ZNF530: variants seen among roughly 807,000 people sequenced by gnomAD.
ZNF530 encodes zinc finger protein 530.
A neutral mutation model predicts 2.8 loss-of-function variants in ZNF530; 5 were observed. That is an observed-to-expected ratio of 1.80 (90% CI 0.94 to 3.78). The LOEUF (loss-of-function observed/expected upper bound fraction) is 3.78. ZNF530 is among the 30% of genes most tolerant of loss of function. ZNF530 has a pLI of 0.00. For synonymous variants in ZNF530, 229 were observed against 235.0 expected (o/e 0.97, Z 0.23); for missense variants, 619 against 673.3 (o/e 0.92, Z 0.89).
downstream of ZNF530, chr19:57,612,651 A>C (rs1980918898): frequency 5.0e-6 from 2 of 396,866 alleles, no homozygotes; most frequent in East Asian, 3.6e-5. Context: ...ACTACACTCC[A>C]GCCTGTGCAA....
intron 3 of ZNF530, 36 bp downstream of exon 3, chr19:57,604,442 G>C: frequency 6.3e-7 from 1 of 1,599,100 alleles, no homozygotes; most frequent in South Asian, 1.1e-5. Flanking sequence ...TTCCTTTGTG[G>C]GTCTCTCCTT....
downstream of ZNF530, among the ~76,000 whole-genome samples, chr19:57,610,766 C>G (rs1355827864): frequency 1.3e-5 from 2 of 152,142 alleles, no homozygotes; most frequent in African/African-American, 4.8e-5. Flanking sequence ...AAAACCTTGC[C>G]TGAATCAGTA....
intron 2 of ZNF530, among the ~76,000 whole-genome samples, chr19:57,603,782 T>C (rs1980362723): frequency 6.6e-6 from 1 of 152,192 alleles, no homozygotes; most frequent in Non-Finnish European, 1.5e-5. Context: ...CTGGAACTTG[T>C]TTGAATTTGC....
chr19:57,611,781 TTTTG>T (rs1010077845), downstream of ZNF530, among the ~76,000 whole-genome samples: 1 of 151,934 alleles, frequency 6.6e-6, no homozygotes, highest in Non-Finnish European at 1.5e-5. Flanking sequence ...CCCTCTCTTG[TTTTG>T]TTTATTATCT....
At chr19:57,602,338 C>T (rs1193725458) in intron 2 of ZNF530, among the ~76,000 whole-genome samples, 2 of 152,154 alleles carry the variant, frequency 1.3e-5, no homozygotes, top group African/African-American at 4.8e-5. Context: ...ATCTAATTAC[C>T]ACCCAAAGAT....
chr19:57,612,579 G>T, downstream of ZNF530: 1 of 398,920 alleles, frequency 2.5e-6, no homozygotes, highest in Non-Finnish European at 4.4e-6. Flanking sequence ...TTTTTGGGAG[G>T]CTGAGGTGGG....
At position 57,599,944 on chromosome 19, in the gene ZNF530, G is replaced by A. The variant is rs901029531; in HGVS notation, c.-312G>A. ...TGGCTTGTGTCAGTTCCATCCGCGG[G>A]TGCCGGATCTGGACCTAGGTGCTGA... On this transcript the variant is annotated 5_prime_UTR_variant, in exon 1 of 4. In the 5' UTR this introduces an upstream ATG that the reference lacks. Coordinates refer to ENST00000597700, the MANE Select transcript of ZNF530 (RefSeq NM_001321981.2). 8.0e-6 allele frequency: 6 copies of A among 745,628 alleles called. No homozygotes were observed. In the East Asian group the frequency reaches 1.8e-4, roughly 22 times the overall value. The allele number at this position is 745,628 out of a possible 1,614,324, so 46.2% of individuals were successfully genotyped here.
At position 57,606,156 on chromosome 19, in the gene ZNF530, C is replaced by T; in HGVS notation, c.532C>T (p.Leu178Phe). Residue 178 changes from leucine to phenylalanine, a missense_variant, in exon 4 of 4, where the codon CTC (leucine) becomes TTC (phenylalanine). Physicochemically the swap from Leu to Phe is conservative, Grantham distance 22. Transcript: ENST00000597700. ...GAGAGTTCCCACTGGACGAAAGCCTCTCAAATACACTGAATCCAGGAAATC... is the reference window on the plus strand; with the variant it reads ...GAGAGTTCCCACTGGACGAAAGCCTTTCAAATACACTGAATCCAGGAAATC... ...HLRVPTGRKP[L>F]KYTESRKSFR... The T allele has an allele frequency of 1.5e-5, 24 of 1,614,244 alleles. No individual in the cohort carries two copies. The highest frequency in any genetic ancestry group is 2.0e-5 in the Non-Finnish European group (24 of 1,180,042).
intron 2 of ZNF530, among the ~76,000 whole-genome samples, chr19:57,604,038 CAGG>C (rs1980374164): frequency 6.6e-6 from 1 of 152,116 alleles, no homozygotes; most frequent in African/African-American, 2.4e-5. Context: ...TGAGGGATTC[CAGG>C]AGAATTTATA....
Position 57,606,440 on chromosome 19 carries a change from C to T in ZNF530, c.816C>T (p.Arg272=), listed in dbSNP as rs1371051247. 28 of 1,612,352 alleles carry T rather than the reference C, an allele frequency of 1.7e-5. No individual in the cohort carries two copies. Among genetic ancestry groups the T allele is most frequent in the Non-Finnish European group, 2.3e-5 (27 of 1,179,662 alleles). Residue 272 remains arginine, a synonymous_variant, in exon 4 of 4, where the codon CGC becomes CGT. Transcript: ENST00000597700. ...GCAGTGAATGTGGCAAATCCTTTCG[C>T]CAGGTATCTGTCCTCATTCAACATC... ...YDCSECGKSF[R]QVSVLIQHQR...
At chr19:57,610,418 G>A (rs1326205016), downstream of ZNF530, among the ~76,000 whole-genome samples, 1,444 of 116,842 alleles carry the variant, frequency 0.012, 12 homozygotes, top group Middle Eastern at 0.027. Flanking sequence ...ACATATGTGT[G>A]TGTGTGTGTG....
Position 57,606,358 on chromosome 19 carries a change from G to C in ZNF530, c.734G>C (p.Arg245Pro). ...ECSECGKSFS[R>P]KTHLTQHQRV... ...AGTGAATGTGGGAAATCATTTAGTC[G>C]CAAAACTCACCTAACTCAACACCAA... The change falls in exon 4 of 4, where the codon CGC becomes CCC. Residue 245 changes from arginine (R) to proline (P), a missense_variant. By Grantham distance (103) the Arg-to-Pro change is moderately radical (BLOSUM62 -2). Transcript: ENST00000597700. 1 of 1,613,752 alleles carries C rather than the reference G, an allele frequency of 6.2e-7. No homozygotes were observed. The highest frequency in any genetic ancestry group is 8.5e-7 in the Non-Finnish European group (1 of 1,179,826).
At chr19:57,611,610 C>G (rs1201344713), downstream of ZNF530, among the ~76,000 whole-genome samples, 2 of 152,122 alleles carry the variant, frequency 1.3e-5, no homozygotes, top group South Asian at 2.1e-4. Context: ...TGTGCATGCT[C>G]GAAACCTTAT....
Position 57,600,220 on chromosome 19 carries a change from A to G in ZNF530, c.-122+86A>G, listed in dbSNP as rs1266068467. On this transcript the variant is annotated intron_variant, in intron 1 of 3. Transcript: ENST00000597700. Reference sequence around the variant, plus strand: ...AAGGGTTTTCTGCAGCCCGGACCGCACTGTCCGGCACAGTGAGGCGCTGGT... The same window carrying G: ...AAGGGTTTTCTGCAGCCCGGACCGCGCTGTCCGGCACAGTGAGGCGCTGGT... The G allele has an allele frequency of 3.6e-6, 5 of 1,403,386 alleles. No homozygotes were observed. The African/African-American group carries it at 4.3e-5, about 12-fold the overall frequency. The allele number at this position is 1,403,386 out of a possible 1,614,324, so 86.9% of individuals were successfully genotyped here. A position where few individuals can be genotyped will look rare whatever the true frequency, so the allele number is the denominator to read the frequency against.
intron 1 of ZNF530, 114 bp downstream of exon 1, chr19:57,600,248 T>G: frequency 8.0e-7 from 1 of 1,252,580 alleles, no homozygotes; most frequent in Admixed American, 2.8e-5. Context: ...GCGCTGGTGC[T>G]GGATCTCGTT....
intron 2 of ZNF530, among the ~76,000 whole-genome samples, chr19:57,603,234 A>C (rs1307188754): frequency 1.3e-5 from 2 of 152,244 alleles, no homozygotes; most frequent in East Asian, 3.9e-4. Context: ...TTGCGAGAAC[A>C]GCACAAGAAA....
chr19:57,604,526 G>C, intron 3 of ZNF530, 120 bp downstream of exon 3: 1 of 1,381,088 alleles, frequency 7.2e-7, no homozygotes, highest in Non-Finnish European at 9.9e-7. Context: ...CCACTTTCTT[G>C]GCATATGTAT....
intron 2 of ZNF530, among the ~76,000 whole-genome samples, chr19:57,601,605 G>A (rs1460998928): frequency 1.3e-5 from 2 of 152,214 alleles, no homozygotes; most frequent in Non-Finnish European, 2.9e-5. Context: ...CTGAGGAAGG[G>A]TGCAGGATAG....
In ZNF530 at chr19:57,600,036, T is replaced by C; in HGVS notation, c.-220T>C. 6.9e-7 allele frequency: 1 copy of C among 1,456,278 alleles called. No homozygotes were observed. Among genetic ancestry groups the C allele is most frequent in the Non-Finnish European group, 9.2e-7 (1 of 1,084,310 alleles). 90.2% of individuals were successfully genotyped at this position (1,456,278 alleles called of 1,614,324 possible). ...GCCGGGGCCTGACGGTCGCCGGCGG[T>C]GGTGACAGCTTTGCTCTTGTCTCCG... On this transcript the variant is annotated 5_prime_UTR_variant, in exon 1 of 4. Coordinates refer to ENST00000597700, the MANE Select transcript of ZNF530 (RefSeq NM_001321981.2).
Sources: allele counts gnomAD v4.1 joint callset (sites outside exome capture counted in the v4.1 genomes callset), GRCh38; gene constraint gnomAD v4.1.1; transcripts MANE v1.5; gene names NCBI Gene and HGNC (gene_info 2026-07-23, HGNC 2026-07-21).